Variants in MPDZ observed in about 807,000 individuals in gnomAD.
The protein encoded by MPDZ is multiple PDZ domain crumbs cell polarity complex component.
MPDZ carries 234 observed loss-of-function variants against 239.1 expected under a neutral mutation model. The observed-to-expected ratio is 0.98, with a 90% CI of 0.88 to 1.09. MPDZ has a LOEUF of 1.09. Among genes scored for constraint, MPDZ ranks in the 50% least tolerant of loss-of-function variants. The pLI is 0.00. For missense variants in MPDZ, 3,175 were observed against 2,510.0 expected (o/e 1.26, Z -5.66); for synonymous variants, 1,048 against 881.3 (o/e 1.19, Z -3.35).
rs757001915 is a variant in MPDZ, at chr9:13,219,561, G to A, written c.1084C>T (p.Arg362Trp). 2.9e-5 allele frequency: 46 copies of A among 1,610,866 alleles called. No individual in the cohort carries two copies. The Admixed American group carries it at 4.4e-4, about 15-fold the overall frequency. Residue 362 changes from arginine to tryptophan, a missense_variant and splice_region_variant, in exon 8 of 47, where the codon CGG becomes TGG. Transcript: ENST00000319217. ...ATTAACTACTCTTAACTACTTACCC[G>A]CAACTCTGGTGTTGAAGTTGGGGAT... ...SSSPTSTPEL[R>W]VDASTQKGEE...
rs1371726663 is a variant in MPDZ at position 13,190,168 on chromosome 9, G to A, written c.2100C>T (p.His700=). The A allele has an allele frequency of 1.9e-6, 3 of 1,613,122 alleles. No individual in the cohort carries two copies. The highest frequency in any genetic ancestry group is 2.7e-5 in the African/African-American group (2 of 74,874). The change falls in exon 16 of 47, where the codon CAC becomes CAT. Residue 700 remains histidine (H), a synonymous_variant. Transcript: ENST00000319217. ...PLAMWEAGIQ[H]IELEKGSKGL... is the part of the protein sequence containing the mutation. The stretch of plus-strand genomic sequence containing the variant: ...CTTTGCTCCCTTTCTCCAGCTCTAT[G>A]TGCTGAATGCCAGCCTCCCACATGG...
chr9:13,137,234 C>G (rs1220381392), intron 29 of MPDZ, among the ~76,000 whole-genome samples: 5 of 152,062 alleles, frequency 3.3e-5, no homozygotes, highest in Admixed American at 3.3e-4. Context: ...AAATAGGTCA[C>G]TGGGAGAAGA....
intron 35 of MPDZ, among the ~76,000 whole-genome samples, chr9:13,124,177 G>A (rs1266552048): frequency 6.6e-6 from 1 of 152,072 alleles, no homozygotes; most frequent in Admixed American, 6.6e-5. Context: ...ACAGGTGTAA[G>A]ATATTTTCTT....
chr9:13,199,827 AT>A lies in MPDZ; in HGVS notation c.1547-3598del, dbSNP rs1361844975. On this transcript the variant is annotated intron_variant, in intron 12 of 46. Coordinates refer to ENST00000319217, the MANE Select transcript of MPDZ (RefSeq NM_001378778.1). ...GATGAATCAAACTTGATTATGATTA[AT>A]GATCTTATTAATGTGTTGTTGAATC... Among the ~76,000 whole-genome samples the A allele has an allele frequency of 2.6e-5, 4 of 152,236 alleles. No individual in the cohort carries two copies. In the South Asian group the frequency reaches 8.3e-4, roughly 32 times the overall value.
At chr9:13,181,822 G>A (rs899590314) in intron 19 of MPDZ, among the ~76,000 whole-genome samples, 1 of 152,148 alleles carries the variant, frequency 6.6e-6, no homozygotes, top group African/African-American at 2.4e-5. Context: ...CTGGGAAGAA[G>A]ACGTGTGCTA....
intron 12 of MPDZ, among the ~76,000 whole-genome samples, chr9:13,198,105 T>C (rs1292567089): frequency 6.6e-6 from 1 of 152,160 alleles, no homozygotes; most frequent in African/African-American, 2.4e-5. Context: ...CTTTTGGATA[T>C]ATACCCAAGA....
intron 32 of MPDZ, among the ~76,000 whole-genome samples, chr9:13,131,558 G>A (rs1055892223): frequency 2.0e-5 from 3 of 152,142 alleles, no homozygotes; most frequent in Non-Finnish European, 4.4e-5. Context: ...GCATACCAAG[G>A]TGTTCTGTAG....
At chr9:13,124,592 G>A (rs1468684761) in intron 35 of MPDZ, among the ~76,000 whole-genome samples, 4 of 152,092 alleles carry the variant, frequency 2.6e-5, no homozygotes, top group Non-Finnish European at 5.9e-5. Context: ...CCATATACTA[G>A]ACTGGAAGTG....
At position 13,110,649 on chromosome 9, in the gene MPDZ, G is replaced by A. The variant is rs757240251; in HGVS notation, c.5816C>T (p.Ser1939Phe). Reference protein sequence around the residue: ...AVNLLKNASGSIEMQVVAGGD... With the variant: ...AVNLLKNASGFIEMQVVAGGD... ...TAAAAATCTTACCTGCATTTCAATGGAGCCAGATGCATTTTTCAGTAGGTT... is the reference window on the plus strand; with the variant it reads ...TAAAAATCTTACCTGCATTTCAATGAAGCCAGATGCATTTTTCAGTAGGTT... Residue 1939 changes from serine (S) to phenylalanine (F), a missense_variant, in exon 44 of 47, where the codon TCC (serine) becomes TTC (phenylalanine). Transcript: ENST00000319217. The A allele has an allele frequency of 3.1e-6, 5 of 1,613,240 alleles. No homozygotes were observed. Among genetic ancestry groups the A allele is most frequent in the Non-Finnish European group, 4.2e-6 (5 of 1,179,472 alleles).
chr9:13,269,286 T>G (rs1301513479), intron 1 of MPDZ, among the ~76,000 whole-genome samples: 1 of 152,204 alleles, frequency 6.6e-6, no homozygotes, highest in African/African-American at 2.4e-5. Flanking sequence ...GAAATATGGT[T>G]ATATTCCTTT....
At position 13,190,197 on chromosome 9, in the gene MPDZ, A is replaced by C; in HGVS notation, c.2071T>G (p.Leu691Val). 6.2e-7 allele frequency: 1 copy of C among 1,613,252 alleles called. No individual in the cohort carries two copies. The highest frequency in any genetic ancestry group is 8.5e-7 in the Non-Finnish European group (1 of 1,179,532). ...GQSTEEVQAP[L>V]AMWEAGIQHI... ...TGAATGCCAGCCTCCCACATGGCCA[A>C]AGGTGCTTGAACCTCTTCTGTACTC... The change falls in exon 16 of 47, where the codon TTG becomes GTG. Residue 691 changes from leucine to valine, a missense_variant. Leu to Val is a conservative substitution (Grantham distance 32). Transcript: ENST00000319217.
chr9:13,125,315 C>G lies in MPDZ; in HGVS notation c.4708G>C (p.Val1570Leu). 4 of 1,613,892 alleles carry G rather than the reference C, an allele frequency of 2.5e-6. No individual in the cohort carries two copies. Among genetic ancestry groups the G allele is most frequent in the Non-Finnish European group, 3.4e-6 (4 of 1,179,758 alleles). The change falls in exon 35 of 47, where the codon GTT becomes CTT. Residue 1570 changes from valine to leucine, a missense_variant. By Grantham distance (32) the Val-to-Leu change is conservative. Transcript: ENST00000319217. Reference sequence around the variant, plus strand: ...CTGGCTGCACCAGCTGCTGAAGGAACAGCCTGGGAATCTGGATTCTCAGCA... The same window carrying G: ...CTGGCTGCACCAGCTGCTGAAGGAAGAGCCTGGGAATCTGGATTCTCAGCA... The part of the protein sequence containing the change: ...IHAENPDSQA[V>L]PSAAGAASGE...
intron 43 of MPDZ, 55 bp downstream of exon 43, chr9:13,111,969 T>C (rs1208670754): frequency 6.9e-6 from 11 of 1,588,634 alleles, no homozygotes; most frequent in Admixed American, 3.4e-5. Context: ...CAAAGGTTTA[T>C]AAAAACACTT....
At chr9:13,129,923 G>C (rs373326539) in intron 32 of MPDZ, among the ~76,000 whole-genome samples, 2 of 152,138 alleles carry the variant, frequency 1.3e-5, no homozygotes, top group South Asian at 4.1e-4. Flanking sequence ...AGAATTAAAA[G>C]TGGAATTCAG....
At chr9:13,137,820 T>G (rs1587126838) in intron 29 of MPDZ, 137 bp downstream of exon 29, 2 of 877,260 alleles carry the variant, frequency 2.3e-6, no homozygotes, top group East Asian at 2.6e-5. Flanking sequence ...GAGCCAGATT[T>G]GCTGCAATGC....
chr9:13,206,033 G>C lies in MPDZ; in HGVS notation c.1357C>G (p.Gln453Glu). ...CTCATTAGTGTCAGGAGCACAGTTT[G>C]TCCTGTATGTCGCAATACCTCTACT... ...QAVEVLRHTG[Q>E]TVLLTLMRRG... The change falls in exon 11 of 47, where the codon CAA (glutamine) becomes GAA (glutamate). Residue 453 changes from glutamine to glutamate, a missense_variant. By Grantham distance (29) the Gln-to-Glu change is conservative. Coordinates refer to ENST00000319217, the MANE Select transcript of MPDZ (RefSeq NM_001378778.1). 1.9e-6 allele frequency: 3 copies of C among 1,611,356 alleles called. No individual in the cohort carries two copies. Among genetic ancestry groups the C allele is most frequent in the Non-Finnish European group, 2.5e-6 (3 of 1,179,306 alleles).
chr9:13,112,714 T>C (rs371961921), intron 42 of MPDZ, among the ~76,000 whole-genome samples: 100 of 152,310 alleles, frequency 6.6e-4, no homozygotes, highest in African/African-American at 2.2e-3. Context: ...AACTAATAAG[T>C]ATCTGTTGAA....
intron 18 of MPDZ, among the ~76,000 whole-genome samples, 189 bp downstream of exon 18, chr9:13,186,081 T>C (rs1480597108): frequency 6.6e-6 from 1 of 152,210 alleles, no homozygotes; most frequent in Non-Finnish European, 1.5e-5. Context: ...TCCTCACAAA[T>C]GTTTTTCATA....
chr9:13,200,972 C>T (rs949075205), intron 12 of MPDZ, among the ~76,000 whole-genome samples: 1 of 151,996 alleles, frequency 6.6e-6, no homozygotes, highest in Non-Finnish European at 1.5e-5. Flanking sequence ...TGTTGATTTT[C>T]TGTCTGGACA....
Sources: gnomAD v4.1 joint callset for allele counts (sites outside exome capture counted in the v4.1 genomes callset) on GRCh38, gnomAD v4.1.1 for gene constraint, MANE v1.5 for transcripts, NCBI Gene and HGNC (gene_info 2026-07-23, HGNC 2026-07-21) for gene names.